Variants in KALRN observed in about 807,000 individuals in gnomAD.
The protein encoded by KALRN is kalirin RhoGEF kinase.
A neutral mutation model predicts 353.7 loss-of-function variants in KALRN; 70 were observed. The ratio of observed to expected loss-of-function variants is 0.20; its 90% CI spans 0.16 to 0.24. The LOEUF (loss-of-function observed/expected upper bound fraction) is 0.24, where lower values mean the gene tolerates loss of function less well. Ranked by LOEUF, KALRN falls within the 10% of genes least tolerant of loss-of-function variation. KALRN has a pLI of 1.00. For missense variants in KALRN, 2,791 were observed against 3,756.7 expected, an observed-to-expected ratio of 0.74 and a Z score of 6.72; for synonymous variants, 1,391 against 1,434.8, an observed-to-expected ratio of 0.97 and a Z score of 0.69.
At chr3:124,253,795 G>C (rs922326485) in intron 3 of KALRN, among the ~76,000 whole-genome samples, 1 of 152,164 alleles carries the variant, frequency 6.6e-6, no homozygotes, top group Non-Finnish European at 1.5e-5. Flanking sequence ...TCACACTGCT[G>C]ATACCCTGAA....
rs74281210 is a variant in KALRN, at chr3:124,340,614, G to A, written c.1647+6119G>A. Reference sequence around the variant, plus strand: ...AGTGGTTTCCCATGAGCTCAGATGCGTTCATGGCCACTATACAGAGATTGT... The same window carrying A: ...AGTGGTTTCCCATGAGCTCAGATGCATTCATGGCCACTATACAGAGATTGT... On this transcript the variant is annotated intron_variant, in intron 9 of 59. Transcript: ENST00000682506. 0.014 allele frequency among the ~76,000 whole-genome samples: 2,110 copies of A among 152,190 alleles called. 88 individuals carry two copies. The East Asian group carries it at 0.15, about 11-fold the overall frequency.
At chr3:124,137,317 A>G (rs180934672) in intron 1 of KALRN, among the ~76,000 whole-genome samples, 18 of 152,310 alleles carry the variant, frequency 1.2e-4, no homozygotes, top group Admixed American at 4.6e-4. Context: ...TGGCAAGTCC[A>G]TAAGAGTGGG....
At chr3:124,154,317 A>G (rs2068647833) in intron 1 of KALRN, among the ~76,000 whole-genome samples, 2 of 152,204 alleles carry the variant, frequency 1.3e-5, no homozygotes, top group Admixed American at 1.3e-4. Context: ...CAGGAAGTCA[A>G]ATTGTCCCTG....
intron 24 of KALRN, among the ~76,000 whole-genome samples, chr3:124,462,234 C>T (rs184424150): frequency 5.4e-4 from 82 of 152,322 alleles, no homozygotes; most frequent in African/African-American, 2.0e-3. Context: ...ATGACACAGT[C>T]AGTGAACTTA....
intron 55 of KALRN, among the ~76,000 whole-genome samples, chr3:124,698,569 A>G (rs1387011957): frequency 1.3e-5 from 2 of 152,184 alleles, no homozygotes; most frequent in Admixed American, 1.3e-4. Context: ...GATCAATCCC[A>G]TTTTACAGAG....
intron 34 of KALRN, among the ~76,000 whole-genome samples, chr3:124,597,717 A>T (rs2076401326): frequency 6.6e-6 from 1 of 152,246 alleles, no homozygotes; most frequent in South Asian, 2.1e-4. Context: ...TATTTAAAGC[A>T]TCTCAATTTT....
chr3:124,170,246 C>T (rs1309077153), intron 1 of KALRN, among the ~76,000 whole-genome samples: 1 of 152,224 alleles, frequency 6.6e-6, no homozygotes, highest in African/African-American at 2.4e-5. Context: ...GAAGGAATCT[C>T]TCTTCTCTGA....
intron 4 of KALRN, among the ~76,000 whole-genome samples, chr3:124,267,175 A>G (rs1029879569): frequency 6.6e-6 from 1 of 152,246 alleles, no homozygotes; most frequent in Admixed American, 6.5e-5. Context: ...CTTGTTCAAC[A>G]ACAGATACTT....
At chr3:124,127,541 T>C (rs926574939) in intron 1 of KALRN, among the ~76,000 whole-genome samples, 6 of 152,044 alleles carry the variant, frequency 3.9e-5, no homozygotes, top group Non-Finnish European at 7.4e-5. Flanking sequence ...ACCACAGAGT[T>C]TTAGATTAGT....
chr3:124,721,477 A>T lies in KALRN; in HGVS notation c.*2007A>T, dbSNP rs962060755. On this transcript the variant is annotated 3_prime_UTR_variant, in exon 60 of 60. Transcript: ENST00000682506. ...CTATGATACAATACATAAAAATTTA[A>T]AACATACATTAAACATGGTTACTAA... The T allele has an allele frequency of 2.0e-5, 3 of 152,218 alleles. No individual in the cohort carries two copies. Among genetic ancestry groups the T allele is most frequent in the Non-Finnish European group, 4.4e-5 (3 of 68,038 alleles). 9.4% of individuals were successfully genotyped at this position (152,218 alleles called of 1,614,324 possible).
chr3:124,232,887 A>G (rs565954312), intron 2 of KALRN, among the ~76,000 whole-genome samples: 1 of 152,166 alleles, frequency 6.6e-6, no homozygotes, highest in East Asian at 1.9e-4. Context: ...ACAGGGAAAA[A>G]AAAAAGCAGA....
In KALRN at chr3:124,535,192, A is replaced by T. The variant is rs540080031; in HGVS notation, c.4936-27651A>T. Among the ~76,000 whole-genome samples the T allele has an allele frequency of 5.9e-5, 9 of 152,146 alleles. No homozygotes were observed. The East Asian group carries it at 1.5e-3, about 26-fold the overall frequency. ...TCCTATAAAGAAGTTTTTTTTTTTAAAACACTAGCAACTTGTAAACACCCT... is the reference window on the plus strand; with the variant it reads ...TCCTATAAAGAAGTTTTTTTTTTTATAACACTAGCAACTTGTAAACACCCT... On this transcript the variant is annotated intron_variant, in intron 33 of 59. Transcript: ENST00000682506.
chr3:124,517,416 C>T (rs977037039), intron 33 of KALRN, among the ~76,000 whole-genome samples: 4 of 152,142 alleles, frequency 2.6e-5, no homozygotes, highest in Admixed American at 6.5e-5. Context: ...TGTGATAGAA[C>T]CTTTCACATC....
chr3:124,699,747 C>G (rs1282778147), intron 55 of KALRN, 122 bp from the exon 56 acceptor site: 1 of 912,156 alleles, frequency 1.1e-6, no homozygotes, highest in Admixed American at 2.2e-5. Context: ...GAGCCTGACA[C>G]GGTAACCACA....
intron 34 of KALRN, among the ~76,000 whole-genome samples, chr3:124,597,749 T>C (rs1196304491): frequency 2.6e-5 from 4 of 152,072 alleles, no homozygotes; most frequent in African/African-American, 9.7e-5. Flanking sequence ...TATATTGAAA[T>C]GATATTTGGA....
At chr3:124,678,578 A>G (rs1559836879) in intron 50 of KALRN, 2 of 240,504 alleles carry the variant, frequency 8.3e-6, no homozygotes, top group Non-Finnish European at 1.6e-5. Flanking sequence ...CAGCAAAATT[A>G]TCTGCAGCAT....
rs745370277 is a variant in KALRN at position 124,372,611 on chromosome 3, AT to A, written c.1771-12231del. Among the ~76,000 whole-genome samples the A allele has an allele frequency of 1.5e-3, 139 of 94,996 alleles. 1 individual carries two copies. The highest frequency in any genetic ancestry group is 8.4e-3 in the South Asian group (24 of 2,852). The allele number at this position is 94,996 out of a possible 152,430, so 62.3% of individuals were successfully genotyped here. A position where few individuals can be genotyped will look rare whatever the true frequency, so the allele number is the denominator to read the frequency against. On this transcript the variant is annotated intron_variant, in intron 10 of 59. Transcript: ENST00000682506. Reference sequence around the variant, plus strand: ...ACATTACATTAAGAACTTTTTTATTATTTATTTTTTTATTTATTATTTATTT... The same window carrying A: ...ACATTACATTAAGAACTTTTTTATTATTATTTTTTTATTTATTATTTATTT...
intron 29 of KALRN, 66 bp from the exon 30 acceptor site, chr3:124,490,628 G>A: frequency 6.8e-7 from 1 of 1,470,160 alleles, no homozygotes; most frequent in South Asian, 1.2e-5. Context: ...CAAGAGGGGG[G>A]TGGAACATGG....
chr3:124,095,674 A>C (rs372277942), intron 1 of KALRN: 1 of 152,344 alleles, frequency 6.6e-6, no homozygotes, highest in African/African-American at 2.4e-5. Flanking sequence ...ATATTAATGC[A>C]ATTAAAGTCT....
Sources: allele counts gnomAD v4.1 joint callset (sites outside exome capture counted in the v4.1 genomes callset), GRCh38; gene constraint gnomAD v4.1.1; transcripts MANE v1.5; gene names NCBI Gene and HGNC (gene_info 2026-07-23, HGNC 2026-07-21).